Variants in ELL2 observed in about 807,000 individuals in gnomAD.
The protein encoded by ELL2 is elongation factor for RNA polymerase II 2.
A neutral mutation model predicts 72.8 loss-of-function variants in ELL2; 21 were observed. The ratio of observed to expected loss-of-function variants is 0.29; its 90% CI spans 0.20 to 0.42. The LOEUF is 0.42. ELL2 is among the 10% of genes least tolerant of loss of function. The pLI is 1.00. For missense variants in ELL2, 568 were observed against 772.8 expected (o/e 0.73, Z 3.14); for synonymous variants, 266 against 283.2 (o/e 0.94, Z 0.61).
intron 2 of ELL2, among the ~76,000 whole-genome samples, chr5:95,937,165 T>C (rs926218003): frequency 2.6e-5 from 4 of 152,194 alleles, no homozygotes; most frequent in African/African-American, 9.6e-5. Context: ...TGAGCACCCC[T>C]GTTTGTGCTC....
chr5:95,954,552 G>A (rs1467336715), intron 1 of ELL2, among the ~76,000 whole-genome samples: 4 of 146,606 alleles, frequency 2.7e-5, no homozygotes, highest in African/African-American at 1.0e-4. Flanking sequence ...GACTACAGGC[G>A]CCTGCCACCA....
rs557179869 is a variant in ELL2, at chr5:95,905,763, AATG to A, written c.741+757_741+759del. ...ACCTGTAGGGTTTTTTTTTTTTTTA[AATG>A]ATGAGATTCAGAATAACTTCTTTGG... On this transcript the variant is annotated intron_variant, in intron 5 of 11. Coordinates refer to ENST00000237853, the MANE Select transcript of ELL2 (RefSeq NM_012081.6). 1.6e-3 allele frequency among the ~76,000 whole-genome samples: 243 copies of A among 150,524 alleles called. 1 individual carries two copies. Among genetic ancestry groups the A allele is most frequent in the African/African-American group, 5.7e-3 (233 of 41,006 alleles).
In ELL2 at chr5:95,907,297, T is replaced by TATA. The variant is rs1554075688; in HGVS notation, c.482-516_482-515insTAT. ...TTAGTGATATATATATATATATATA[T>TATA]TTTTTTTTTTTACAGGCCAAGACAA... On this transcript the variant is annotated intron_variant, in intron 4 of 11. Transcript: ENST00000237853. Among the ~76,000 whole-genome samples, 39 of 79,966 alleles carry TATA rather than the reference T, an allele frequency of 4.9e-4. No individual in the cohort carries two copies. In the East Asian group the frequency reaches 5.3e-3, roughly 11 times the overall value. 52.5% of individuals were successfully genotyped at this position (79,966 alleles called of 152,430 possible).
At chr5:95,941,442 C>T (rs1750965452) in intron 2 of ELL2, among the ~76,000 whole-genome samples, 1 of 152,044 alleles carries the variant, frequency 6.6e-6, no homozygotes, top group Admixed American at 6.5e-5. Context: ...CCAGGGGCAA[C>T]TAGTATGCTA....
At chr5:95,893,680 C>T (rs375137785) in intron 9 of ELL2, among the ~76,000 whole-genome samples, 5 of 152,160 alleles carry the variant, frequency 3.3e-5, no homozygotes, top group African/African-American at 9.7e-5. Context: ...CCACCGCGCC[C>T]GGCCTCGATC....
chr5:95,894,071 C>A (rs767401406), intron 9 of ELL2, among the ~76,000 whole-genome samples: 1 of 152,060 alleles, frequency 6.6e-6, no homozygotes, highest in Non-Finnish European at 1.5e-5. Context: ...GCCAATATGG[C>A]GAAACGCCAT....
Position 95,913,917 on chromosome 5 carries a change from A to G in ELL2, c.335T>C (p.Leu112Pro). The G allele has an allele frequency of 6.2e-7, 1 of 1,605,954 alleles. No individual in the cohort carries two copies. Among genetic ancestry groups the G allele is most frequent in the Non-Finnish European group, 8.5e-7 (1 of 1,176,810 alleles). The part of the protein sequence containing the change: ...QTFSSSGASQ[L>P]NCLGFIQDKI... The stretch of plus-strand genomic sequence containing the variant: ...ATCTTGTATAAATCCCAGGCAATTG[A>G]GCTGGGAGGCTCCAGAGCTGTCAAG... The change falls in exon 4 of 12, where the codon CTC becomes CCC. Residue 112 changes from leucine (L) to proline (P), a missense_variant. Transcript: ENST00000237853.
At chr5:95,892,694 A>G (rs964972097) in intron 9 of ELL2, among the ~76,000 whole-genome samples, 1 of 152,252 alleles carries the variant, frequency 6.6e-6, no homozygotes, top group Non-Finnish European at 1.5e-5. Flanking sequence ...ATGGTCTTAT[A>G]TAAGCCCATC....
At position 95,942,988 on chromosome 5, in the gene ELL2, A is replaced by G. The variant is rs141232062; in HGVS notation, c.195+14T>C. 1.6e-3 allele frequency: 2,433 copies of G among 1,569,452 alleles called. 35 individuals are homozygous for G. The African/African-American group carries it at 0.03, about 19-fold the overall frequency. On this transcript the variant is annotated intron_variant, in intron 2 of 11. Coordinates refer to ENST00000237853, the MANE Select transcript of ELL2 (RefSeq NM_012081.6). ...AACATTAGATTTGTTTGTTAAATCA[A>G]TAAGAGTACTCACCCCGTGGAGTCC...
At chr5:95,890,168 C>A (rs544694854) in intron 10 of ELL2, among the ~76,000 whole-genome samples, 141 of 152,138 alleles carry the variant, frequency 9.3e-4, no homozygotes, top group African/African-American at 3.4e-3. Context: ...AAAAAATAAA[C>A]CCCAAACCAC....
At chr5:95,891,708 A>G (rs1748670614) in intron 9 of ELL2, among the ~76,000 whole-genome samples, 2 of 152,210 alleles carry the variant, frequency 1.3e-5, no homozygotes, top group South Asian at 4.1e-4. Flanking sequence ...GAGTGCTGAA[A>G]GTCAAAGCTC....
intron 4 of ELL2, among the ~76,000 whole-genome samples, chr5:95,912,987 C>T (rs1749661385): frequency 6.6e-6 from 1 of 152,164 alleles, no homozygotes; most frequent in African/African-American, 2.4e-5. Context: ...ATTAAATTGA[C>T]CAAGGACTCA....
At chr5:95,940,632 C>A (rs925190974) in intron 2 of ELL2, among the ~76,000 whole-genome samples, 9 of 152,142 alleles carry the variant, frequency 5.9e-5, no homozygotes, top group African/African-American at 2.2e-4. Context: ...GGTACAATTT[C>A]AGTCATATTT....
rs766135354 is a variant in ELL2 at position 95,891,002 on chromosome 5, A to G, written c.1761+101T>C. On this transcript the variant is annotated intron_variant, in intron 10 of 11. Transcript: ENST00000237853. ...AGCAGCGAGGCTGGTCTGCAAGAGT[A>G]CTTACTCTAAAGGCCACTGTGATGG... 2.9e-6 allele frequency: 4 copies of G among 1,385,504 alleles called. No homozygotes were observed. The East Asian group carries it at 9.1e-5, about 32-fold the overall frequency. 85.8% of individuals were successfully genotyped at this position (1,385,504 alleles called of 1,614,324 possible). A position where few individuals can be genotyped will look rare whatever the true frequency, so the allele number is the denominator to read the frequency against.
At position 95,913,865 on chromosome 5, in the gene ELL2, G is replaced by C; in HGVS notation, c.387C>G (p.Asp129Glu). The C allele has an allele frequency of 6.2e-7, 1 of 1,613,522 alleles. No homozygotes were observed. The highest frequency in any genetic ancestry group is 8.5e-7 in the Non-Finnish European group (1 of 1,179,772). ...QDKITVCATN[D>E]SYQMTRERMT... ...TTCTTTCTCGTGTCATCTGATACGA[G>C]TCGTTTGTTGCACACACTGTAATTT... The change falls in exon 4 of 12, where the codon GAC becomes GAG. Residue 129 changes from aspartate to glutamate, a missense_variant. Asp to Glu is a conservative substitution (Grantham distance 45). Around this residue, in one of 2 missense-constraint regions of ELL2, gnomAD observed 511 missense variants for 728.4 expected, o/e 0.70. Transcript: ENST00000237853.
intron 2 of ELL2, among the ~76,000 whole-genome samples, chr5:95,921,725 TC>T (rs1292058594): frequency 2.6e-5 from 4 of 152,198 alleles, no homozygotes; most frequent in African/African-American, 9.6e-5. Flanking sequence ...TGCTTTTGTT[TC>T]TCTGGGAAGA....
At chr5:95,934,229 CAT>C (rs1411022194) in intron 2 of ELL2, among the ~76,000 whole-genome samples, 3 of 152,174 alleles carry the variant, frequency 2.0e-5, no homozygotes, top group African/African-American at 7.2e-5. Flanking sequence ...ATATCCATAA[CAT>C]ACCTTACTAA....
intron 4 of ELL2, among the ~76,000 whole-genome samples, chr5:95,912,151 G>A (rs1215323522): frequency 6.6e-6 from 1 of 152,196 alleles, no homozygotes; most frequent in Non-Finnish European, 1.5e-5. Flanking sequence ...GATTTTGGGT[G>A]TTGAAGTCTG....
chr5:95,897,157 C>T (rs745496334), intron 8 of ELL2, among the ~76,000 whole-genome samples: 3 of 152,218 alleles, frequency 2.0e-5, no homozygotes, highest in South Asian at 2.1e-4. Flanking sequence ...TATTCTACAG[C>T]GGCTTCTTTG....
Sources: allele counts gnomAD v4.1 joint callset (sites outside exome capture counted in the v4.1 genomes callset), GRCh38; gene constraint gnomAD v4.1.1; regional missense constraint gnomAD v4.1.1; transcripts MANE v1.5; gene names NCBI Gene and HGNC (gene_info 2026-07-23, HGNC 2026-07-21).